Variants in ROR2 observed in about 807,000 individuals in gnomAD.
ROR2 encodes ROR family WNT receptor 2.
Under a neutral mutation model 74.9 loss-of-function variants are expected in ROR2, and 33 were observed. The ratio of observed to expected loss-of-function variants is 0.44; its 90% CI spans 0.33 to 0.59. ROR2 has a LOEUF of 0.59. ROR2 is among the 20% of genes least tolerant of loss of function. ROR2 has a pLI of 0.02. For missense variants in ROR2, 1,216 were observed against 1,313.8 expected, an observed-to-expected ratio of 0.93 and a Z score of 1.15; for synonymous variants, 586 against 558.7, an observed-to-expected ratio of 1.05 and a Z score of -0.69.
intron 1 of ROR2, among the ~76,000 whole-genome samples, chr9:91,789,407 C>T (rs1303032023): frequency 6.6e-6 from 1 of 152,094 alleles, no homozygotes; most frequent in Non-Finnish European, 1.5e-5. Flanking sequence ...TAAGTAGGTA[C>T]TGTGAAAGAC....
At chr9:91,775,675 G>C (rs1826393627) in intron 2 of ROR2, 66 bp downstream of exon 2, 1 of 1,493,642 alleles carries the variant, frequency 6.7e-7, no homozygotes, top group Non-Finnish European at 9.3e-7. Context: ...GGCAATGGCA[G>C]TGCAAGATGA....
intron 1 of ROR2, among the ~76,000 whole-genome samples, chr9:91,801,285 A>G (rs999400518): frequency 6.6e-6 from 1 of 152,200 alleles, no homozygotes; most frequent in Non-Finnish European, 1.5e-5. Flanking sequence ...CTTCATGTGA[A>G]GGCTCTCGTG....
intron 1 of ROR2, among the ~76,000 whole-genome samples, chr9:91,914,228 C>T (rs1831067040): frequency 6.6e-6 from 1 of 152,158 alleles, no homozygotes; most frequent in South Asian, 2.1e-4. Flanking sequence ...CATCCTATCA[C>T]TTGGTTGATA....
chr9:91,944,904 G>C, intron 1 of ROR2, among the ~76,000 whole-genome samples: 2 of 151,942 alleles, frequency 1.3e-5, no homozygotes, highest in East Asian at 3.9e-4. Context: ...AAAAATCAAA[G>C]AATTAGCCAG....
chr9:91,879,911 A>T (rs1422644748), intron 1 of ROR2, among the ~76,000 whole-genome samples: 1 of 152,024 alleles, frequency 6.6e-6, no homozygotes, highest in Non-Finnish European at 1.5e-5. Context: ...TTCTGAGAAG[A>T]TTCTCAGAAA....
chr9:91,796,322 A>T lies in ROR2; in HGVS notation c.98-20504T>A, dbSNP rs189635773. ...GTGACGCACGCCAGTAATCTCAGCT[A>T]CTCTGGAGGCTGAAGTGGGAGGACT... On this transcript the variant is annotated intron_variant, in intron 1 of 8. Transcript: ENST00000375708. Among the ~76,000 whole-genome samples, 30 of 150,716 alleles carry T rather than the reference A, an allele frequency of 2.0e-4. 1 individual carries two copies. In the East Asian group the frequency reaches 4.8e-3, roughly 24 times the overall value.
At chr9:91,744,213 C>CTTTTATTTTT (rs1825333707) in intron 4 of ROR2, among the ~76,000 whole-genome samples, 1 of 89,082 alleles carries the variant, frequency 1.1e-5, no homozygotes, top group African/African-American at 4.5e-5. Context: ...AATTTGTTAA[C>CTTTTATTTTT]TTTTTTTTTT....
chr9:91,937,978 G>C (rs779401473), intron 1 of ROR2, among the ~76,000 whole-genome samples: 2 of 152,054 alleles, frequency 1.3e-5, no homozygotes, highest in Non-Finnish European at 1.5e-5. Context: ...TCAGCCTCCC[G>C]AAGTGCTGGG....
intron 1 of ROR2, among the ~76,000 whole-genome samples, chr9:91,819,872 TTG>T (rs372431299): frequency 6.6e-6 from 1 of 151,970 alleles, no homozygotes; most frequent in Middle Eastern, 3.2e-3. Context: ...ATGTCTGTAT[TTG>T]TGTGTGTGTG....
At chr9:91,895,550 A>C (rs1830514179) in intron 1 of ROR2, among the ~76,000 whole-genome samples, 1 of 152,236 alleles carries the variant, frequency 6.6e-6, no homozygotes, top group South Asian at 2.1e-4. Flanking sequence ...GTTCTAAAAA[A>C]TAAATCTATT....
At chr9:91,863,736 T>C (rs1829544981) in intron 1 of ROR2, among the ~76,000 whole-genome samples, 1 of 151,960 alleles carries the variant, frequency 6.6e-6, no homozygotes, top group South Asian at 2.1e-4. Context: ...GATTCGCAGA[T>C]GGCTGGGCCT....
At chr9:91,844,332 C>T (rs1421924280) in intron 1 of ROR2, among the ~76,000 whole-genome samples, 1 of 152,030 alleles carries the variant, frequency 6.6e-6, no homozygotes, top group Non-Finnish European at 1.5e-5. Context: ...TGGGCCGGCA[C>T]ACAAGATGGG....
chr9:91,918,627 C>G, intron 1 of ROR2, among the ~76,000 whole-genome samples: 1 of 152,184 alleles, frequency 6.6e-6, no homozygotes, highest in East Asian at 1.9e-4. Flanking sequence ...TAAAAATTTT[C>G]TGCAATTCCA....
At chr9:91,779,590 C>T (rs1241689864) in intron 1 of ROR2, among the ~76,000 whole-genome samples, 11 of 152,076 alleles carry the variant, frequency 7.2e-5, no homozygotes, top group Admixed American at 2.0e-4. Context: ...AGGCTGGTCT[C>T]GAACTCCTGA....
At chr9:91,875,574 C>T (rs1829933012) in intron 1 of ROR2, among the ~76,000 whole-genome samples, 2 of 152,044 alleles carry the variant, frequency 1.3e-5, no homozygotes, top group Admixed American at 6.6e-5. Context: ...AGTAAGAAAG[C>T]CATAGCCATA....
At chr9:91,779,100 T>A (rs79414554) in intron 1 of ROR2, among the ~76,000 whole-genome samples, 4,746 of 152,150 alleles carry the variant, frequency 0.031, 124 homozygotes, top group East Asian at 0.13. Flanking sequence ...GGAAAATGAA[T>A]AGTGTGAACG....
At position 91,950,041 on chromosome 9, in the gene ROR2, C is replaced by T; in HGVS notation, c.-78G>A. ...GGTCGGGCGCCACCACCCCTTTCTA[C>T]GATGCGTCCGCTCCTCCTTCTCCCT... On this transcript the variant is annotated 5_prime_UTR_variant, in exon 1 of 9. Transcript: ENST00000375708. 3 of 627,376 alleles carry T rather than the reference C, an allele frequency of 4.8e-6. No individual in the cohort carries two copies. The highest frequency in any genetic ancestry group is 5.8e-5 in the South Asian group (2 of 34,282). The allele number at this position is 627,376 out of a possible 1,614,324, so 38.9% of individuals were successfully genotyped here.
chr9:91,940,706 T>G (rs1831828369), intron 1 of ROR2, among the ~76,000 whole-genome samples: 3 of 39,806 alleles, frequency 7.5e-5, no homozygotes, highest in African/African-American at 5.8e-4. Flanking sequence ...GTGATCCTCC[T>G]GTCTCTGTCT....
At chr9:91,852,991 A>G (rs1829155748) in intron 1 of ROR2, among the ~76,000 whole-genome samples, 1 of 152,216 alleles carries the variant, frequency 6.6e-6, no homozygotes, top group Non-Finnish European at 1.5e-5. Context: ...ACACTCCAGA[A>G]AGGCTGGCGG....
Sources: gnomAD v4.1 joint callset for allele counts (sites outside exome capture counted in the v4.1 genomes callset) on GRCh38, gnomAD v4.1.1 for gene constraint, MANE v1.5 for transcripts, NCBI Gene and HGNC (gene_info 2026-07-23, HGNC 2026-07-21) for gene names.